Variants in GRID2 observed in about 807,000 individuals in gnomAD.
GRID2 encodes the protein glutamate receptor ionotropic, delta-2.
Under a neutral mutation model 114.8 loss-of-function variants are expected in GRID2, and 33 were observed. The ratio of observed to expected loss-of-function variants is 0.29; its 90% confidence interval spans 0.22 to 0.38. The LOEUF (loss-of-function observed/expected upper bound fraction) is 0.38, where lower values mean the gene tolerates loss of function less well. Ranked by LOEUF, GRID2 falls within the 10% of genes least tolerant of loss-of-function variation. The pLI, the probability that GRID2 is intolerant of heterozygous loss-of-function variation, is 1.00. For synonymous variants in GRID2, 505 were observed against 449.9 expected (o/e 1.12, Z -1.55); for missense variants, 1,184 against 1,257.7 (o/e 0.94, Z 0.89).
chr4:93,451,871 T>C (rs1045437976), intron 10 of GRID2, among the ~76,000 whole-genome samples: 4 of 152,070 alleles, frequency 2.6e-5, no homozygotes, highest in Admixed American at 6.6e-5. Context: ...AAGCAAGAGA[T>C]GTTGGAAGAG....
At chr4:92,336,835 T>C (rs1455405490) in intron 1 of GRID2, among the ~76,000 whole-genome samples, 2 of 152,006 alleles carry the variant, frequency 1.3e-5, no homozygotes, top group Non-Finnish European at 2.9e-5. Flanking sequence ...TTTTTTTGCT[T>C]CCTATATCTA....
chr4:93,586,762 T>C, intron 13 of GRID2, among the ~76,000 whole-genome samples: 1 of 152,100 alleles, frequency 6.6e-6, no homozygotes, highest in Admixed American at 6.6e-5. Context: ...AATTGAAACT[T>C]GTAAGATCAG....
intron 2 of GRID2, among the ~76,000 whole-genome samples, chr4:93,063,842 C>T (rs1728022308): frequency 6.6e-6 from 1 of 151,562 alleles, no homozygotes; most frequent in East Asian, 1.9e-4. Context: ...GGCTGAATTT[C>T]CGTATTGATT....
In GRID2 at chr4:93,515,431, T is replaced by G; in HGVS notation, c.2193+20T>G. ...CAAAAGGTACTGTCCATGGTTCTCC[T>G]TTAATAGTCCTTACCATTTTGTGTC... On this transcript the variant is annotated intron_variant, in intron 13 of 15. Coordinates refer to ENST00000282020, the MANE Select transcript of GRID2 (RefSeq NM_001510.4). 1 of 1,484,538 alleles carries G rather than the reference T, an allele frequency of 6.7e-7. No individual in the cohort carries two copies. Among genetic ancestry groups the G allele is most frequent in the Non-Finnish European group, 9.4e-7 (1 of 1,069,384 alleles). 92.0% of individuals were successfully genotyped at this position (1,484,538 alleles called of 1,614,324 possible). A position where few individuals can be genotyped will look rare whatever the true frequency, so the allele number is the denominator to read the frequency against.
intron 2 of GRID2, among the ~76,000 whole-genome samples, chr4:93,022,880 TA>T (rs997078326): frequency 6.6e-6 from 1 of 151,864 alleles, no homozygotes; most frequent in Admixed American, 6.6e-5. Context: ...CATGTTCATT[TA>T]AAAAAAATTC....
chr4:93,677,549 A>G (rs571885107), intron 14 of GRID2, among the ~76,000 whole-genome samples: 178 of 152,054 alleles, frequency 1.2e-3, no homozygotes, highest in Non-Finnish European at 2.2e-3. Flanking sequence ...GCAGACTGAC[A>G]CCTCGCACGG....
chr4:92,589,118 C>G (rs972936321), intron 1 of GRID2, among the ~76,000 whole-genome samples: 1 of 152,012 alleles, frequency 6.6e-6, no homozygotes, highest in Non-Finnish European at 1.5e-5. Context: ...AAACAACCAA[C>G]CAACCAACCA....
At chr4:93,267,326 A>G (rs991779463) in intron 8 of GRID2, among the ~76,000 whole-genome samples, 10 of 152,082 alleles carry the variant, frequency 6.6e-5, no homozygotes, top group Non-Finnish European at 1.3e-4. Flanking sequence ...GCCTGCACTC[A>G]AGTCCAATGA....
intron 14 of GRID2, among the ~76,000 whole-genome samples, chr4:93,731,896 T>C (rs1730514959): frequency 6.6e-6 from 1 of 152,198 alleles, no homozygotes; most frequent in Non-Finnish European, 1.5e-5. Context: ...GTTTTGCTTC[T>C]GTTCAGCAGA....
Position 92,808,768 on chromosome 4 carries a change from A to C in GRID2, c.244+218482A>C, listed in dbSNP as rs76187947. Among the ~76,000 whole-genome samples, 125 of 152,078 alleles carry C rather than the reference A, an allele frequency of 8.2e-4. 1 individual carries two copies. In the East Asian group the frequency reaches 0.02, roughly 24 times the overall value. On this transcript the variant is annotated intron_variant, in intron 2 of 15. Coordinates refer to ENST00000282020, the MANE Select transcript of GRID2 (RefSeq NM_001510.4). ...TTTCACCCAGCAAAATGCACACGTT[A>C]ATAAGGCAAAAGATCGTGAATTTTT...
chr4:93,263,324 A>T (rs568240244), intron 8 of GRID2, among the ~76,000 whole-genome samples: 2 of 152,126 alleles, frequency 1.3e-5, no homozygotes, highest in South Asian at 4.1e-4. Flanking sequence ...ACTTCTAAAG[A>T]ATGAAGCCGT....
At chr4:92,490,164 T>C (rs1490603151) in intron 1 of GRID2, among the ~76,000 whole-genome samples, 1 of 152,186 alleles carries the variant, frequency 6.6e-6, no homozygotes, top group Non-Finnish European at 1.5e-5. Flanking sequence ...TAAAACTTTT[T>C]GGCTCTATGT....
chr4:93,605,540 T>C lies in GRID2; in HGVS notation c.2194-20729T>C, dbSNP rs561012488. On this transcript the variant is annotated intron_variant, in intron 13 of 15. Coordinates refer to ENST00000282020, the MANE Select transcript of GRID2 (RefSeq NM_001510.4). ...GTCACAACATTCCGTTATTACTTGGTCCTTATTACCAATGTTTGAGAATTG... is the reference window on the plus strand; with the variant it reads ...GTCACAACATTCCGTTATTACTTGGCCCTTATTACCAATGTTTGAGAATTG... Among the ~76,000 whole-genome samples the C allele has an allele frequency of 1.1e-4, 17 of 152,340 alleles. No homozygotes were observed. The South Asian group carries it at 1.4e-3, about 13-fold the overall frequency.
At chr4:92,823,643 T>TA (rs1198436304) in intron 2 of GRID2, among the ~76,000 whole-genome samples, 13 of 152,140 alleles carry the variant, frequency 8.5e-5, no homozygotes, top group East Asian at 1.9e-4. Flanking sequence ...CATTGCACAA[T>TA]AAAAAAAATC....
intron 2 of GRID2, among the ~76,000 whole-genome samples, chr4:92,907,745 TGG>T (rs1234934645): frequency 1.1e-4 from 16 of 151,948 alleles, no homozygotes; most frequent in Admixed American, 2.6e-4. Flanking sequence ...AATTTTCAGC[TGG>T]GCACGGTGGC....
chr4:92,407,449 G>A (rs559585930), intron 1 of GRID2, among the ~76,000 whole-genome samples: 1 of 152,262 alleles, frequency 6.6e-6, no homozygotes, highest in South Asian at 2.1e-4. Context: ...TATATACCTA[G>A]TAGTGGGATT....
chr4:93,209,372 A>G (rs1560988941), intron 5 of GRID2, among the ~76,000 whole-genome samples: 1 of 152,122 alleles, frequency 6.6e-6, no homozygotes, highest in Non-Finnish European at 1.5e-5. Context: ...TTTCTGCGTT[A>G]GTTCGCTGAG....
chr4:93,317,607 A>G (rs2149202458), intron 8 of GRID2, among the ~76,000 whole-genome samples: 1 of 152,252 alleles, frequency 6.6e-6, no homozygotes, highest in East Asian at 1.9e-4. Context: ...ATTTATCCCC[A>G]AACTGCAATG....
At chr4:93,413,521 A>C (rs1246667212) in intron 9 of GRID2, among the ~76,000 whole-genome samples, 2 of 151,976 alleles carry the variant, frequency 1.3e-5, no homozygotes, top group African/African-American at 4.8e-5. Context: ...GTAGTGCATG[A>C]GAAAGTCTAC....
Sources: allele counts gnomAD v4.1 joint callset (sites outside exome capture counted in the v4.1 genomes callset), GRCh38; gene constraint gnomAD v4.1.1; transcripts MANE v1.5; gene names NCBI Gene and HGNC (gene_info 2026-07-23, HGNC 2026-07-21).